KHDRBS3: variants seen among roughly 807,000 people sequenced by gnomAD.
KHDRBS3 encodes the protein KH domain-containing, RNA-binding, signal transduction-associated protein 3.
A neutral mutation model predicts 45.6 loss-of-function variants in KHDRBS3; 23 were observed. The observed-to-expected ratio is 0.50, with a 90% CI of 0.36 to 0.72. KHDRBS3 has a LOEUF of 0.72. Among genes scored for constraint, KHDRBS3 ranks in the 30% least tolerant of loss-of-function variants. The pLI is 0.00. For synonymous variants in KHDRBS3, 162 were observed against 156.5 expected, an observed-to-expected ratio of 1.04 and a Z score of -0.26; for missense variants, 352 against 424.8, an observed-to-expected ratio of 0.83 and a Z score of 1.51.
At chr8:135,503,102 A>G (rs954784466) in intron 1 of KHDRBS3, among the ~76,000 whole-genome samples, 115 of 152,324 alleles carry the variant, frequency 7.5e-4, no homozygotes, top group African/African-American at 2.4e-3. Flanking sequence ...ATTGCCATCA[A>G]GGTCATCACT....
intron 1 of KHDRBS3, among the ~76,000 whole-genome samples, chr8:135,469,522 G>GA (rs1491553952): frequency 4.8e-5 from 1 of 20,780 alleles, no homozygotes; most frequent in Non-Finnish European, 9.5e-5. Flanking sequence ...TTTTTGTTTT[G>GA]GTTTTTTTTT....
chr8:135,490,844 G>A (rs1413169942), intron 1 of KHDRBS3, among the ~76,000 whole-genome samples: 1 of 152,176 alleles, frequency 6.6e-6, no homozygotes, highest in Non-Finnish European at 1.5e-5. Flanking sequence ...AGTGTTCCTG[G>A]CCAAATGAAC....
intron 1 of KHDRBS3, among the ~76,000 whole-genome samples, chr8:135,512,437 G>GT (rs1554620172): frequency 3.1e-5 from 4 of 128,482 alleles, no homozygotes; most frequent in Non-Finnish European, 4.9e-5. Flanking sequence ...GTCGGGGGGG[G>GT]GGTAATAACT....
chr8:135,645,217 G>A, intron 8 of KHDRBS3, 100 bp downstream of exon 8: 1 of 1,164,752 alleles, frequency 8.6e-7, no homozygotes, highest in Non-Finnish European at 1.3e-6. Flanking sequence ...TTTGGACTCT[G>A]AAACAGCAGC....
At chr8:135,479,149 C>T (rs1353093190) in intron 1 of KHDRBS3, among the ~76,000 whole-genome samples, 1 of 152,098 alleles carries the variant, frequency 6.6e-6, no homozygotes, top group East Asian at 1.9e-4. Flanking sequence ...TTCCTTCTGA[C>T]CTGATGGATA....
At chr8:135,592,699 T>TTA (rs1828802799) in intron 6 of KHDRBS3, among the ~76,000 whole-genome samples, 1 of 152,128 alleles carries the variant, frequency 6.6e-6, no homozygotes, top group Non-Finnish European at 1.5e-5. Context: ...CATGCATATT[T>TTA]TATATATATG....
intron 1 of KHDRBS3, among the ~76,000 whole-genome samples, chr8:135,494,405 A>G (rs1307122299): frequency 2.0e-5 from 3 of 149,316 alleles, no homozygotes; most frequent in Non-Finnish European, 4.4e-5. Flanking sequence ...CAGCCTCCTG[A>G]GTAGCTGGGG....
chr8:135,611,613 T>G (rs1418604436), intron 7 of KHDRBS3, among the ~76,000 whole-genome samples: 1 of 151,862 alleles, frequency 6.6e-6, no homozygotes, highest in Non-Finnish European at 1.5e-5. Flanking sequence ...ATCTGTGCAC[T>G]AACATTTCTG....
chr8:135,573,903 C>T (rs560510133), intron 5 of KHDRBS3, among the ~76,000 whole-genome samples: 2 of 152,144 alleles, frequency 1.3e-5, no homozygotes, highest in Non-Finnish European at 1.5e-5. Flanking sequence ...AATCTGCTTT[C>T]AAAACTCTAT....
chr8:135,621,516 C>G (rs555532164), intron 7 of KHDRBS3, among the ~76,000 whole-genome samples: 15 of 152,302 alleles, frequency 9.8e-5, no homozygotes, highest in African/African-American at 3.6e-4. Flanking sequence ...GCCTAACATA[C>G]TTAAAACTGT....
intron 7 of KHDRBS3, among the ~76,000 whole-genome samples, chr8:135,639,254 G>A (rs769852739): frequency 1.3e-5 from 2 of 152,204 alleles, no homozygotes; most frequent in Non-Finnish European, 2.9e-5. Context: ...AACTAAAAGA[G>A]AGGAAATCAT....
At chr8:135,641,826 A>T (rs1341166859) in intron 7 of KHDRBS3, among the ~76,000 whole-genome samples, 2 of 152,250 alleles carry the variant, frequency 1.3e-5, no homozygotes, top group East Asian at 3.8e-4. Flanking sequence ...ATATTCTATT[A>T]ATACTTTAAT....
chr8:135,538,154 A>G (rs1335142394), intron 2 of KHDRBS3, among the ~76,000 whole-genome samples: 1 of 152,158 alleles, frequency 6.6e-6, no homozygotes, highest in African/African-American at 2.4e-5. Context: ...GCAGGATGGG[A>G]CAGTGATCAG....
At chr8:135,591,945 A>G (rs575947343) in intron 6 of KHDRBS3, among the ~76,000 whole-genome samples, 1 of 152,376 alleles carries the variant, frequency 6.6e-6, no homozygotes, top group Non-Finnish European at 1.5e-5. Context: ...GAGAAATTTA[A>G]TTAAAACAGA....
chr8:135,561,138 G>A (rs1245955923), intron 5 of KHDRBS3, among the ~76,000 whole-genome samples: 1 of 152,128 alleles, frequency 6.6e-6, no homozygotes, highest in African/African-American at 2.4e-5. Flanking sequence ...TAGGGTAGAA[G>A]CTTTGTTTCA....
At chr8:135,518,058 A>C (rs527319851) in intron 1 of KHDRBS3, among the ~76,000 whole-genome samples, 2 of 152,308 alleles carry the variant, frequency 1.3e-5, no homozygotes, top group Admixed American at 6.5e-5. Context: ...CTTACGACAA[A>C]ATGTTAAGTG....
At chr8:135,621,980 G>A (rs13266731) in intron 7 of KHDRBS3, among the ~76,000 whole-genome samples, 32,492 of 151,874 alleles carry the variant, frequency 0.21, 3,923 homozygotes, top group Middle Eastern at 0.3. Context: ...CTTGCTTGTG[G>A]AGCACCCGGA....
intron 6 of KHDRBS3, among the ~76,000 whole-genome samples, chr8:135,602,956 C>T (rs968976453): frequency 1.3e-5 from 2 of 152,206 alleles, no homozygotes; most frequent in African/African-American, 4.8e-5. Context: ...TAGTTCTTGT[C>T]TTCCTGTACC....
intron 2 of KHDRBS3, among the ~76,000 whole-genome samples, chr8:135,529,492 A>G (rs1192288295): frequency 6.6e-6 from 1 of 150,488 alleles, no homozygotes; most frequent in Non-Finnish European, 1.5e-5. Flanking sequence ...TAAAGTGAAA[A>G]TAAAATTGAA....
Sources: gnomAD v4.1 joint callset for allele counts (sites outside exome capture counted in the v4.1 genomes callset) on GRCh38, gnomAD v4.1.1 for gene constraint, MANE v1.5 for transcripts, NCBI Gene and HGNC (gene_info 2026-07-23, HGNC 2026-07-21) for gene names.